Variants in CENPW observed in about 807,000 individuals in gnomAD.
The protein encoded by CENPW is cancer-up-regulated gene 2 protein.
A neutral mutation model predicts 11.1 loss-of-function variants in CENPW; 3 were observed. The observed-to-expected ratio is 0.27, with a 90% CI of 0.12 to 0.70. The LOEUF is 0.70. Among genes scored for constraint, CENPW ranks in the 30% least tolerant of loss-of-function variants. The pLI, the probability that CENPW is intolerant of heterozygous loss-of-function variation, is 0.77. For missense variants in CENPW, 100 were observed against 105.6 expected (o/e 0.95, Z 0.23); for synonymous variants, 38 against 42.0 (o/e 0.91, Z 0.37).
chr6:126,474,259 T>C, the CENPW span, among the ~76,000 whole-genome samples: 1 of 152,080 alleles, frequency 6.6e-6, no homozygotes, highest in Non-Finnish European at 1.5e-5. Flanking sequence ...TTCAGCATGG[T>C]ACTGGAAGTT....
At chr6:126,451,990 C>G in the CENPW span, among the ~76,000 whole-genome samples, 2 of 150,990 alleles carry the variant, frequency 1.3e-5, no homozygotes, top group South Asian at 4.2e-4. Context: ...GACCCCCCAC[C>G]CAGGTCATAG....
chr6:126,389,484 C>T, the CENPW span, among the ~76,000 whole-genome samples: 3 of 151,748 alleles, frequency 2.0e-5, no homozygotes, highest in African/African-American at 7.3e-5. Flanking sequence ...TTTTCTTTTC[C>T]ATTTCTGCAA....
the CENPW span, among the ~76,000 whole-genome samples, chr6:126,408,912 G>T: frequency 6.6e-6 from 1 of 151,534 alleles, no homozygotes; most frequent in African/African-American, 2.4e-5. Flanking sequence ...TTTTCAAAAA[G>T]CCAACTTTTC....
the CENPW span, among the ~76,000 whole-genome samples, chr6:126,436,289 A>G: frequency 6.6e-6 from 1 of 151,888 alleles, no homozygotes. Flanking sequence ...AATCAAGGAA[A>G]TGATAATTTT....
the CENPW span, among the ~76,000 whole-genome samples, chr6:126,425,997 T>G: frequency 6.6e-6 from 1 of 152,072 alleles, no homozygotes; most frequent in African/African-American, 2.4e-5. Context: ...CCACCCAGTT[T>G]CCTATAATAC....
At chr6:126,432,826 C>G in the CENPW span, among the ~76,000 whole-genome samples, 14 of 152,212 alleles carry the variant, frequency 9.2e-5, no homozygotes, top group Non-Finnish European at 1.9e-4. Flanking sequence ...GACAATCTCT[C>G]TCTCCAAACA....
the CENPW span, among the ~76,000 whole-genome samples, chr6:126,469,339 G>C: frequency 0.023 from 3,506 of 152,216 alleles, 50 homozygotes; most frequent in South Asian, 0.041. Flanking sequence ...TTATGAAGAA[G>C]GCACCTGCTT....
At chr6:126,464,410 G>C in the CENPW span, among the ~76,000 whole-genome samples, 8 of 152,206 alleles carry the variant, frequency 5.3e-5, no homozygotes, top group East Asian at 1.5e-3. Context: ...GGGTGTGTCT[G>C]TGACTAAGAG....
At chr6:126,465,696 A>G in the CENPW span, among the ~76,000 whole-genome samples, 1 of 152,108 alleles carries the variant, frequency 6.6e-6, no homozygotes, top group Admixed American at 6.6e-5. Flanking sequence ...AAATAATGGA[A>G]TCCAGAAGTA....
At chr6:126,479,155 T>TTTCA in the CENPW span, among the ~76,000 whole-genome samples, 2 of 152,064 alleles carry the variant, frequency 1.3e-5, no homozygotes, top group Admixed American at 1.3e-4. Flanking sequence ...TAGTCTGTTC[T>TTTCA]TTCATTGCTT....
At chr6:126,479,397 C>A in the CENPW span, among the ~76,000 whole-genome samples, 2 of 151,892 alleles carry the variant, frequency 1.3e-5, no homozygotes, top group African/African-American at 4.8e-5. Context: ...CTTGATTCCA[C>A]CCTCATTAAA....
the CENPW span, among the ~76,000 whole-genome samples, chr6:126,403,888 T>C: frequency 6.6e-6 from 1 of 152,102 alleles, no homozygotes; most frequent in East Asian, 1.9e-4. Flanking sequence ...GGGACTTTCA[T>C]AGCTAGAGAG....
the CENPW span, among the ~76,000 whole-genome samples, chr6:126,473,709 G>T: frequency 2.6e-5 from 4 of 151,050 alleles, no homozygotes; most frequent in East Asian, 7.8e-4. Context: ...CTCCAGTCTG[G>T]ACGAGAGTGA....
At chr6:126,364,345 A>G in the CENPW span, among the ~76,000 whole-genome samples, 45 of 152,206 alleles carry the variant, frequency 3.0e-4, no homozygotes, top group Non-Finnish European at 6.0e-4. Flanking sequence ...TGCAGATCAT[A>G]ATTTAGGCTC....
At chr6:126,467,572 A>C in the CENPW span, among the ~76,000 whole-genome samples, 1 of 152,188 alleles carries the variant, frequency 6.6e-6, no homozygotes, top group South Asian at 2.1e-4. Flanking sequence ...AACAAAGTAC[A>C]TTGGATTATA....
chr6:126,346,239 T>A lies in CENPW; in HGVS notation c.161T>A (p.Leu54Ter), dbSNP rs1374942520. 5 of 1,605,288 alleles carry A rather than the reference T, an allele frequency of 3.1e-6. No homozygotes were observed. The highest frequency in any genetic ancestry group is 4.3e-6 in the Non-Finnish European group (5 of 1,173,642). The stretch of plus-strand genomic sequence containing the variant: ...AACTGTTTACTGTTTGTTCATCGAT[T>A]AGCAGAAGAGTCCAGGACAAACGCT... ...HLNCLLFVHR[L>*]AEESRTNACA... The change falls in exon 2 of 3, where the codon TTA (leucine) becomes TAA (stop). Residue 54 changes from leucine to a stop codon, truncating the protein, a stop_gained. Transcript: ENST00000368328. LOFTEE classifies it high-confidence loss of function.
chr6:126,392,296 A>G, the CENPW span, among the ~76,000 whole-genome samples: 1 of 151,864 alleles, frequency 6.6e-6, no homozygotes, highest in East Asian at 1.9e-4. Context: ...CAGTTGGCAT[A>G]TAAAATTTCT....
the CENPW span, among the ~76,000 whole-genome samples, chr6:126,381,748 G>A: frequency 2.0e-5 from 3 of 152,336 alleles, no homozygotes; most frequent in East Asian, 3.9e-4. Flanking sequence ...GCCCATCATA[G>A]TGTTGTGACC....
the CENPW span, among the ~76,000 whole-genome samples, chr6:126,402,110 G>A: frequency 6.6e-6 from 1 of 151,938 alleles, no homozygotes; most frequent in African/African-American, 2.4e-5. Context: ...GTTTTTTAAT[G>A]TTGTTTTGAT....
Sources: allele counts gnomAD v4.1 joint callset (sites outside exome capture counted in the v4.1 genomes callset), GRCh38; gene constraint gnomAD v4.1.1; transcripts MANE v1.5; gene names NCBI Gene and HGNC (gene_info 2026-07-23, HGNC 2026-07-21).